Variants in MEIS2 observed in about 807,000 individuals in gnomAD.
MEIS2 encodes the protein Meis homeobox 2, also known as homeobox protein Meis2.
A neutral mutation model predicts 58.6 loss-of-function variants in MEIS2; 9 were observed. The observed-to-expected ratio is 0.15, with a 90% CI of 0.09 to 0.27. The LOEUF is 0.27. MEIS2 is among the 10% of genes least tolerant of loss of function. The pLI is 1.00. For synonymous variants in MEIS2, 221 were observed against 228.4 expected (o/e 0.97, Z 0.29); for missense variants, 427 against 635.0 (o/e 0.67, Z 3.52).
chr15:36,998,672 G>T (rs962544102), intron 8 of MEIS2, among the ~76,000 whole-genome samples: 3 of 152,088 alleles, frequency 2.0e-5, no homozygotes, highest in Non-Finnish European at 4.4e-5. Flanking sequence ...ATCTGGTTAG[G>T]TTGGCCCATT....
chr15:37,065,576 C>A (rs1349051506), intron 7 of MEIS2, among the ~76,000 whole-genome samples: 1 of 151,996 alleles, frequency 6.6e-6, no homozygotes, highest in Non-Finnish European at 1.5e-5. Flanking sequence ...ATATTTCAAG[C>A]CAGATAAAAA....
intron 8 of MEIS2, among the ~76,000 whole-genome samples, chr15:36,966,775 A>G (rs1439907310): frequency 2.6e-5 from 4 of 152,194 alleles, no homozygotes; most frequent in African/African-American, 2.4e-5. Flanking sequence ...CAAACAAGGC[A>G]CTATACAGAG....
intron 9 of MEIS2, among the ~76,000 whole-genome samples, chr15:36,903,027 T>A (rs752257477): frequency 1.3e-5 from 2 of 152,198 alleles, no homozygotes; most frequent in Non-Finnish European, 2.9e-5. Flanking sequence ...TCAAGAAAAT[T>A]TGTTATCTTA....
chr15:36,954,882 C>T (rs530166607), intron 8 of MEIS2, among the ~76,000 whole-genome samples: 3 of 152,320 alleles, frequency 2.0e-5, no homozygotes, highest in Non-Finnish European at 4.4e-5. Context: ...TTGCTCCCCT[C>T]CAAGGCATAT....
chr15:36,893,943 C>T (rs1173191173), intron 11 of MEIS2, among the ~76,000 whole-genome samples: 1 of 152,162 alleles, frequency 6.6e-6, no homozygotes, highest in African/African-American at 2.4e-5. Flanking sequence ...CTGGTGTCTT[C>T]AGCAAAGGAT....
intron 10 of MEIS2, among the ~76,000 whole-genome samples, chr15:36,895,868 G>T (rs1567019872): frequency 6.6e-6 from 1 of 152,152 alleles, no homozygotes; most frequent in Non-Finnish European, 1.5e-5. Flanking sequence ...TTAAAGCGAG[G>T]CCACAGGTAA....
intron 11 of MEIS2, 67 bp from the exon 12 acceptor site, chr15:36,892,526 AGATG>A: frequency 8.5e-7 from 1 of 1,171,074 alleles, no homozygotes; most frequent in Non-Finnish European, 1.2e-6. Context: ...TACCCATCAA[AGATG>A]AAAAGAAAAA....
intron 9 of MEIS2, among the ~76,000 whole-genome samples, chr15:36,949,901 C>T (rs188193499): frequency 1.1e-4 from 17 of 152,086 alleles, no homozygotes; most frequent in East Asian, 7.8e-4. Flanking sequence ...CCTGTATCTA[C>T]ATCACCGCTC....
At chr15:37,050,006 T>C (rs1388994152) in intron 7 of MEIS2, among the ~76,000 whole-genome samples, 1 of 152,182 alleles carries the variant, frequency 6.6e-6, no homozygotes, top group African/African-American at 2.4e-5. Flanking sequence ...ATGCTGCTTA[T>C]ATTACAAAGA....
chr15:36,996,090 T>C (rs1028058518), intron 8 of MEIS2, among the ~76,000 whole-genome samples: 1 of 148,548 alleles, frequency 6.7e-6, no homozygotes, highest in African/African-American at 2.5e-5. Context: ...TTTTTAAATA[T>C]TGGTGAATAA....
At chr15:36,952,978 T>A (rs1352939857) in intron 8 of MEIS2, among the ~76,000 whole-genome samples, 2 of 152,258 alleles carry the variant, frequency 1.3e-5, no homozygotes, top group African/African-American at 4.8e-5. Context: ...GCTTTTTTTT[T>A]AATTAATAGG....
At chr15:36,996,064 C>CAT (rs144257351) in intron 8 of MEIS2, among the ~76,000 whole-genome samples, 4,345 of 136,244 alleles carry the variant, frequency 0.032, 222 homozygotes, top group African/African-American at 0.11. Context: ...TATACACACA[C>CAT]ATATATATAT....
chr15:37,022,652 T>C (rs2061563850), intron 8 of MEIS2, among the ~76,000 whole-genome samples: 1 of 152,216 alleles, frequency 6.6e-6, no homozygotes, highest in Non-Finnish European at 1.5e-5. Flanking sequence ...GTTTTTTCTT[T>C]TTTTTGAGAC....
intron 7 of MEIS2, among the ~76,000 whole-genome samples, chr15:37,080,515 C>T (rs1446950964): frequency 1.3e-5 from 2 of 152,128 alleles, no homozygotes; most frequent in African/African-American, 4.8e-5. Context: ...GGGGCTGCTT[C>T]CTAGTCGTTA....
At chr15:36,986,746 T>C (rs2060105465) in intron 8 of MEIS2, among the ~76,000 whole-genome samples, 1 of 152,202 alleles carries the variant, frequency 6.6e-6, no homozygotes, top group African/African-American at 2.4e-5. Context: ...CTCTCAGCCC[T>C]AGAGAAGGTA....
chr15:37,099,056 C>G, intron 1 of MEIS2: 1 of 984,442 alleles, frequency 1.0e-6, no homozygotes, highest in South Asian at 4.6e-5. Flanking sequence ...CCCGTGCCCG[C>G]CCCGAGCCGC....
chr15:36,962,450 T>C (rs1411358988), intron 8 of MEIS2, among the ~76,000 whole-genome samples: 1 of 152,234 alleles, frequency 6.6e-6, no homozygotes, highest in Non-Finnish European at 1.5e-5. Context: ...TCCTCCTGTA[T>C]ACTTTAAATG....
intron 8 of MEIS2, among the ~76,000 whole-genome samples, chr15:36,964,338 A>G (rs1336155784): frequency 6.6e-6 from 1 of 152,202 alleles, no homozygotes; most frequent in Admixed American, 6.5e-5. Context: ...TTTGTAAGGG[A>G]ATGAATATTT....
intron 8 of MEIS2, among the ~76,000 whole-genome samples, chr15:36,956,038 A>G (rs2058955941): frequency 6.8e-6 from 1 of 148,030 alleles, no homozygotes; most frequent in Non-Finnish European, 1.5e-5. Context: ...AAAAAAAAAA[A>G]AAAAAAAAAT....
Sources: allele counts gnomAD v4.1 joint callset (sites outside exome capture counted in the v4.1 genomes callset), GRCh38; gene constraint gnomAD v4.1.1; transcripts MANE v1.5; gene names NCBI Gene and HGNC (gene_info 2026-07-23, HGNC 2026-07-21).